DPP10: variants seen among roughly 807,000 people sequenced by gnomAD.
The protein encoded by DPP10 is inactive dipeptidyl peptidase 10.
A neutral mutation model predicts 120.9 loss-of-function variants in DPP10; 33 were observed. The observed-to-expected ratio is 0.27, with a 90% confidence interval of 0.21 to 0.37. The LOEUF (loss-of-function observed/expected upper bound fraction) is 0.37. DPP10 is among the 10% of genes least tolerant of loss of function. DPP10 has a pLI of 1.00. For missense variants in DPP10, 816 were observed against 942.8 expected (o/e 0.87, Z 1.76); for synonymous variants, 337 against 326.1 (o/e 1.03, Z -0.36).
intron 1 of DPP10, among the ~76,000 whole-genome samples, chr2:115,290,150 G>C (rs555891777): frequency 2.0e-5 from 3 of 151,870 alleles, no homozygotes; most frequent in Non-Finnish European, 4.4e-5. Flanking sequence ...AAATAAACAA[G>C]GAAAAGAGGC....
At chr2:115,451,228 A>G (rs1213534472) in intron 3 of DPP10, among the ~76,000 whole-genome samples, 2 of 151,968 alleles carry the variant, frequency 1.3e-5, no homozygotes, top group Non-Finnish European at 2.9e-5. Flanking sequence ...TTGACAGTAT[A>G]ATAAAAGTAT....
chr2:114,764,251 C>T (rs1325339858), intron 1 of DPP10, among the ~76,000 whole-genome samples: 1 of 144,612 alleles, frequency 6.9e-6, no homozygotes, highest in African/African-American at 2.5e-5. Context: ...CACTGTTTTT[C>T]ATTTCCTTGC....
At chr2:115,526,222 G>A (rs144397788) in intron 5 of DPP10, 7 of 379,342 alleles carry the variant, frequency 1.8e-5, no homozygotes, top group South Asian at 5.1e-5. Flanking sequence ...CTTGGCAGAG[G>A]AGAATGTGGC....
intron 1 of DPP10, among the ~76,000 whole-genome samples, chr2:115,254,778 T>C (rs2058907797): frequency 6.6e-6 from 1 of 152,098 alleles, no homozygotes; most frequent in Admixed American, 6.6e-5. Flanking sequence ...ACCTTAAAGT[T>C]CCAAAATTAT....
intron 1 of DPP10, among the ~76,000 whole-genome samples, chr2:114,739,548 A>G (rs1677813362): frequency 6.6e-6 from 1 of 152,050 alleles, no homozygotes; most frequent in African/African-American, 2.4e-5. Flanking sequence ...AATCCCAGCT[A>G]CTTGGGAGGC....
At chr2:115,082,383 G>A (rs1708347369) in intron 1 of DPP10, among the ~76,000 whole-genome samples, 1 of 152,042 alleles carries the variant, frequency 6.6e-6, no homozygotes, top group South Asian at 2.1e-4. Context: ...AGCCAGTCGA[G>A]GCCATTTTTG....
At chr2:115,805,865 G>A (rs563639844) in intron 19 of DPP10, among the ~76,000 whole-genome samples, 54 of 152,154 alleles carry the variant, frequency 3.5e-4, no homozygotes, top group African/African-American at 1.1e-3. Flanking sequence ...GTGAGCCGCC[G>A]CGCCCGGCAC....
chr2:115,540,594 C>T (rs1027545290), intron 5 of DPP10, among the ~76,000 whole-genome samples: 41 of 151,818 alleles, frequency 2.7e-4, no homozygotes, highest in Non-Finnish European at 8.8e-5. Flanking sequence ...CATAAAGAAA[C>T]ATTAAATAAT....
intron 1 of DPP10, among the ~76,000 whole-genome samples, chr2:114,551,602 G>C (rs1459220638): frequency 6.6e-6 from 1 of 152,164 alleles, no homozygotes; most frequent in Non-Finnish European, 1.5e-5. Context: ...CACTGTTGCA[G>C]ACCATAGACC....
At chr2:114,606,708 T>A (rs980365148) in intron 1 of DPP10, among the ~76,000 whole-genome samples, 1 of 152,178 alleles carries the variant, frequency 6.6e-6, no homozygotes, top group African/African-American at 2.4e-5. Flanking sequence ...AAGCTTAGTA[T>A]CTCACATTCA....
At chr2:115,456,525 G>A (rs922902954) in intron 3 of DPP10, among the ~76,000 whole-genome samples, 2 of 152,034 alleles carry the variant, frequency 1.3e-5, no homozygotes, top group African/African-American at 4.8e-5. Context: ...GTTTATTGTG[G>A]CACTATTCAC....
intron 3 of DPP10, among the ~76,000 whole-genome samples, chr2:115,367,984 A>C (rs1015591913): frequency 6.6e-6 from 1 of 152,080 alleles, no homozygotes; most frequent in African/African-American, 2.4e-5. Context: ...GTGTGTGTTT[A>C]GGTTCATGTC....
chr2:115,198,804 T>TA (rs1199130316), intron 1 of DPP10, among the ~76,000 whole-genome samples: 1 of 152,152 alleles, frequency 6.6e-6, no homozygotes, highest in Non-Finnish European at 1.5e-5. Context: ...AGCATGGGGT[T>TA]AATAAATGTA....
intron 1 of DPP10, among the ~76,000 whole-genome samples, chr2:114,760,717 T>A (rs776538663): frequency 6.6e-6 from 1 of 152,022 alleles, no homozygotes; most frequent in Admixed American, 6.6e-5. Context: ...AAAATTGTAT[T>A]TTGAATTTTG....
intron 21 of DPP10, among the ~76,000 whole-genome samples, chr2:115,820,702 G>T (rs1039976301): frequency 6.6e-6 from 1 of 151,914 alleles, no homozygotes; most frequent in Non-Finnish European, 1.5e-5. Flanking sequence ...CCATTCCTGA[G>T]TTACTCCACT....
intron 1 of DPP10, among the ~76,000 whole-genome samples, chr2:115,009,288 A>G (rs1702086443): frequency 6.6e-6 from 1 of 151,944 alleles, no homozygotes; most frequent in East Asian, 1.9e-4. Context: ...AGGGACATGG[A>G]TGAAATTGGA....
At chr2:115,090,647 A>G (rs1006940411) in intron 1 of DPP10, among the ~76,000 whole-genome samples, 1 of 151,090 alleles carries the variant, frequency 6.6e-6, no homozygotes, top group African/African-American at 2.4e-5. Context: ...AGTCAAAGAC[A>G]GGTTTATTTT....
At chr2:114,590,168 C>T (rs10211604) in intron 1 of DPP10, among the ~76,000 whole-genome samples, 114,473 of 151,940 alleles carry the variant, frequency 0.75, 43,453 homozygotes, top group Non-Finnish European at 0.8. Flanking sequence ...AAAATAGAAT[C>T]CTCCTTATTG....
intron 2 of DPP10, among the ~76,000 whole-genome samples, chr2:115,317,417 A>T (rs1188161018): frequency 6.6e-6 from 1 of 152,048 alleles, no homozygotes; most frequent in Non-Finnish European, 1.5e-5. Flanking sequence ...TATTCCAGAG[A>T]TTGTGCTACT....
Sources: allele counts gnomAD v4.1 joint callset (sites outside exome capture counted in the v4.1 genomes callset), GRCh38; gene constraint gnomAD v4.1.1; transcripts MANE v1.5; gene names NCBI Gene and HGNC (gene_info 2026-07-23, HGNC 2026-07-21).